SNX29: variants seen among roughly 807,000 people sequenced by gnomAD.
The protein encoded by SNX29 is sorting nexin 29, also known as sorting nexin-29.
In SNX29, 78 loss-of-function variants were observed where a neutral mutation model predicts 102.1. The observed-to-expected ratio is 0.76, with a 90% CI of 0.64 to 0.92. The LOEUF (loss-of-function observed/expected upper bound fraction) is 0.92. Ranked by LOEUF, SNX29 falls within the 40% of genes least tolerant of loss-of-function variation. The probability of loss-of-function intolerance (pLI) is 0.00; values close to 1 mark genes in which losing one functional copy is unlikely to be tolerated. For synonymous variants in SNX29, 580 were observed against 414.5 expected (o/e 1.40, Z -4.85); for missense variants, 1,280 against 1,061.7 (o/e 1.21, Z -2.86).
At chr16:12,099,445 G>C (rs944612564) in intron 11 of SNX29, among the ~76,000 whole-genome samples, 1 of 152,286 alleles carries the variant, frequency 6.6e-6, no homozygotes, top group South Asian at 2.1e-4. Flanking sequence ...AGTTGGTGCT[G>C]CATTGTTCCT....
At chr16:12,021,387 C>A (rs548029261) in intron 3 of SNX29, among the ~76,000 whole-genome samples, 2 of 151,818 alleles carry the variant, frequency 1.3e-5, no homozygotes, top group Non-Finnish European at 2.9e-5. Flanking sequence ...GATCGCGCCA[C>A]TGCACTCCAT....
At chr16:12,451,402 G>A (rs2086294337) in intron 18 of SNX29, among the ~76,000 whole-genome samples, 3 of 152,242 alleles carry the variant, frequency 2.0e-5, no homozygotes, top group Non-Finnish European at 2.9e-5. Context: ...GCTGATTGCC[G>A]AGTAGGAGCC....
chr16:12,522,872 G>T (rs1194584744), intron 19 of SNX29, among the ~76,000 whole-genome samples: 2 of 152,184 alleles, frequency 1.3e-5, no homozygotes, highest in Admixed American at 1.3e-4. Flanking sequence ...ATGCGGTGGT[G>T]TGATCATAGT....
At chr16:12,312,618 G>A (rs980623396) in intron 15 of SNX29, among the ~76,000 whole-genome samples, 7 of 151,972 alleles carry the variant, frequency 4.6e-5, no homozygotes, top group Admixed American at 2.0e-4. Context: ...TTAAGATCTC[G>A]TACTTCATCT....
intron 18 of SNX29, among the ~76,000 whole-genome samples, chr16:12,458,156 C>G (rs1400720019): frequency 6.6e-6 from 1 of 152,218 alleles, no homozygotes. Flanking sequence ...GGGCTCTGCA[C>G]TGCACGTGGA....
At chr16:12,061,489 C>A in intron 8 of SNX29, 39 bp from the exon 9 acceptor site, 1 of 1,523,606 alleles carries the variant, frequency 6.6e-7, no homozygotes. Context: ...GGCCTGTGGG[C>A]TCTTTGGCCT....
In SNX29 at chr16:12,098,249, G is replaced by T. The variant is rs76105253; in HGVS notation, c.1402+19334G>T. Among the ~76,000 whole-genome samples, 1,232 of 151,828 alleles carry T rather than the reference G, an allele frequency of 8.1e-3. 17 individuals carry two copies. The highest frequency in any genetic ancestry group is 0.028 in the African/African-American group (1,174 of 41,364). ...CCTTAAATATTAATGTTAAAAATTTGTATTTAAATTTTTGTTTTGCATAAG... is the reference window on the plus strand; with the variant it reads ...CCTTAAATATTAATGTTAAAAATTTTTATTTAAATTTTTGTTTTGCATAAG... On this transcript the variant is annotated intron_variant, in intron 11 of 20. Coordinates refer to ENST00000566228, the MANE Select transcript of SNX29 (RefSeq NM_032167.5). This position sits in a 1 kb window ranked among gnomAD's most constrained non-coding sequence, Gnocchi z 6.0.
chr16:12,426,170 A>C (rs2085071960), intron 18 of SNX29, among the ~76,000 whole-genome samples: 1 of 152,146 alleles, frequency 6.6e-6, no homozygotes, highest in East Asian at 1.9e-4. Context: ...TGTGACAAAC[A>C]GTCCTCAAAC....
At chr16:12,273,428 G>A (rs1203949144) in intron 14 of SNX29, among the ~76,000 whole-genome samples, 1 of 149,812 alleles carries the variant, frequency 6.7e-6, no homozygotes, top group African/African-American at 2.5e-5. Context: ...GTGGGATCTC[G>A]GCTCACTGCA....
In SNX29 at chr16:12,025,865, C is replaced by T. The variant is rs147533100; in HGVS notation, c.123-1455C>T. Among the ~76,000 whole-genome samples the T allele has an allele frequency of 4.3e-3, 652 of 152,186 alleles. 7 individuals are homozygous for T. Among genetic ancestry groups the T allele is most frequent in the African/African-American group, 0.014 (595 of 41,504 alleles). On this transcript the variant is annotated intron_variant, in intron 3 of 20. Transcript: ENST00000566228. ...GAGGAAACTACATTGGATCAGCTTGCGAGGATGGAGTTCAGGTACAGATGT... is the reference window on the plus strand; with the variant it reads ...GAGGAAACTACATTGGATCAGCTTGTGAGGATGGAGTTCAGGTACAGATGT...
At chr16:12,512,368 A>ATG (rs1262325770) in intron 19 of SNX29, among the ~76,000 whole-genome samples, 6 of 33,036 alleles carry the variant, frequency 1.8e-4, no homozygotes, top group South Asian at 3.5e-3. Context: ...GGCCCAGGGA[A>ATG]AATATATATA....
At chr16:12,071,282 A>C (rs375488876) in intron 10 of SNX29, among the ~76,000 whole-genome samples, 106 of 152,214 alleles carry the variant, frequency 7.0e-4, no homozygotes, top group East Asian at 4.4e-3. Flanking sequence ...AGGTTTTCTT[A>C]TAGGGTTTTT....
In SNX29 at chr16:12,572,242, G is replaced by A. The variant is rs1160746190; in HGVS notation, c.*3613G>A. The A allele has an allele frequency of 8.6e-6, 9 of 1,045,410 alleles. No individual in the cohort carries two copies. The East Asian group carries it at 3.5e-4, about 41-fold the overall frequency. 64.8% of individuals were successfully genotyped at this position (1,045,410 alleles called of 1,614,324 possible). ...AGGCTCCTGAAAGTCGTTTACACCA[G>A]GTGGATTGATACCATGGCTGTAGCT... is the stretch of plus-strand genomic sequence containing the variant. On this transcript the variant is annotated 3_prime_UTR_variant, in exon 21 of 21. Coordinates refer to ENST00000566228, the MANE Select transcript of SNX29 (RefSeq NM_032167.5).
intron 19 of SNX29, among the ~76,000 whole-genome samples, chr16:12,481,394 A>G (rs980575982): frequency 6.8e-6 from 1 of 147,474 alleles, no homozygotes; most frequent in Non-Finnish European, 1.5e-5. Context: ...ATATATATAT[A>G]TACACACACA....
chr16:12,413,474 G>T (rs908789605), intron 18 of SNX29, among the ~76,000 whole-genome samples: 2 of 152,038 alleles, frequency 1.3e-5, no homozygotes, highest in South Asian at 4.2e-4. Flanking sequence ...GAGGCCTGAG[G>T]CTACAGAGAA....
chr16:12,348,281 G>T (rs1237615010), intron 15 of SNX29, among the ~76,000 whole-genome samples: 4 of 152,196 alleles, frequency 2.6e-5, no homozygotes, highest in African/African-American at 2.4e-5. Context: ...GCTGTTGTCG[G>T]TGTTGCCTTC....
intron 4 of SNX29, chr16:12,027,687 T>A (rs1250637347): frequency 5.7e-6 from 2 of 351,912 alleles, no homozygotes; most frequent in Non-Finnish European, 1.0e-5. Flanking sequence ...CTCCTCTGGG[T>A]TCGGGGACCT....
chr16:12,396,691 T>G (rs1306073792), intron 16 of SNX29, among the ~76,000 whole-genome samples: 1 of 152,178 alleles, frequency 6.6e-6, no homozygotes, highest in African/African-American at 2.4e-5. Context: ...CCATCCATGA[T>G]GCGTAACTGT....
At chr16:12,189,940 C>T (rs765002373) in intron 13 of SNX29, among the ~76,000 whole-genome samples, 1 of 152,128 alleles carries the variant, frequency 6.6e-6, no homozygotes, top group Non-Finnish European at 1.5e-5. Context: ...AGTCCAACAT[C>T]ACCATTGACT....
Sources: gnomAD v4.1 joint callset for allele counts (sites outside exome capture counted in the v4.1 genomes callset) on GRCh38, gnomAD v4.1.1 for gene constraint, Gnocchi (gnomAD v3.1) non-coding constraint, MANE v1.5 for transcripts, NCBI Gene and HGNC (gene_info 2026-07-23, HGNC 2026-07-21) for gene names.